DAPK2: variants seen among roughly 807,000 people sequenced by gnomAD.
DAPK2 encodes death-associated protein kinase 2.
A neutral mutation model predicts 44.1 loss-of-function variants in DAPK2; 35 were observed. The ratio of observed to expected loss-of-function variants is 0.79; its 90% CI spans 0.61 to 1.05. The LOEUF (loss-of-function observed/expected upper bound fraction) is 1.05, where lower values mean the gene tolerates loss of function less well. DAPK2 is among the 50% of genes least tolerant of loss of function. The probability of loss-of-function intolerance (pLI) is 0.00; values close to 1 mark genes in which losing one functional copy is unlikely to be tolerated. For synonymous variants in DAPK2, 174 were observed against 182.6 expected (o/e 0.95, Z 0.38); for missense variants, 453 against 483.2 (o/e 0.94, Z 0.59).
At chr15:63,929,568 G>A (rs779984693) in exon 6 of DAPK2, 12 of 1,613,998 alleles carry the variant, frequency 7.4e-6, no homozygotes, top group East Asian at 4.5e-5. Flanking sequence ...AGGTGATGAC[G>A]CCTATGCTCC....
chr15:63,924,601 T>A, intron 8 of DAPK2: 1 of 537,248 alleles, frequency 1.9e-6, no homozygotes, highest in Non-Finnish European at 3.3e-6. Flanking sequence ...ATAAGTTACC[T>A]GAATTTGAGA....
In DAPK2 at chr15:63,990,727, T is replaced by C. The variant is rs921048745; in HGVS notation, c.93-6973A>G. Among the ~76,000 whole-genome samples, 1 of 152,088 alleles carries C rather than the reference T, an allele frequency of 6.6e-6. No homozygotes were observed. Among genetic ancestry groups the C allele is most frequent in the Admixed American group, 6.5e-5 (1 of 15,278 alleles). ...TTCCACTCTGGAGAACAATGAGCCG[T>C]GATTCCTCTGGAATTACCCTGCGAG... On this transcript the variant is annotated intron_variant, in intron 1 of 10. Coordinates refer to ENST00000261891, the Ensembl canonical transcript of DAPK2. This position sits in a 1 kb window ranked among gnomAD's most constrained non-coding sequence, Gnocchi z 4.3.
At chr15:64,022,668 A>AGCCT (rs1455711315) in intron 1 of DAPK2, among the ~76,000 whole-genome samples, 3 of 152,132 alleles carry the variant, frequency 2.0e-5, no homozygotes, top group Admixed American at 1.3e-4. Context: ...AATAACAAAA[A>AGCCT]ATTAGCTGGG....
intron 1 of DAPK2, among the ~76,000 whole-genome samples, chr15:64,035,778 G>C (rs1331230333): frequency 6.6e-6 from 1 of 152,212 alleles, no homozygotes; most frequent in Admixed American, 6.5e-5. Context: ...AAACAGGCTG[G>C]TGCCAAAAGT....
intron 1 of DAPK2, among the ~76,000 whole-genome samples, chr15:64,029,616 C>T (rs114250038): frequency 2.2e-3 from 331 of 152,308 alleles, no homozygotes; most frequent in African/African-American, 7.6e-3. Flanking sequence ...TCCTGTGCCC[C>T]ATCTGAGCCT....
rs1192420901 is a variant in DAPK2 at position 63,960,330 on chromosome 15, T to A, written c.453+11093A>T. Among the ~76,000 whole-genome samples, 3 of 152,164 alleles carry A rather than the reference T, an allele frequency of 2.0e-5. No homozygotes were observed. In the South Asian group the frequency reaches 6.2e-4, roughly 32 times the overall value. On this transcript the variant is annotated intron_variant, in intron 3 of 10. Coordinates refer to ENST00000261891, the Ensembl canonical transcript of DAPK2. ...CTGGATTCATTGATTTTTTGAAGGG[T>A]TTTTTGTGTCTCTATCTCCTTCAGT...
At position 64,007,501 on chromosome 15, in the gene DAPK2, GC is replaced by G. The variant is rs1277059143; in HGVS notation, c.93-23748del. Among the ~76,000 whole-genome samples, 23 of 152,224 alleles carry G rather than the reference GC, an allele frequency of 1.5e-4. 1 individual carries two copies. The highest frequency in any genetic ancestry group is 9.8e-4 in the Admixed American group (15 of 15,284). ...ACCTCTCCTGCCTCCTGATCTCCCA[GC>G]CTCAGAGAAAGTCAATGCTGGGAAG... On this transcript the variant is annotated intron_variant, in intron 1 of 10. Coordinates refer to ENST00000261891, the Ensembl canonical transcript of DAPK2.
In DAPK2 at chr15:63,929,597, C is replaced by T. The variant is rs369080760; in HGVS notation, c.633-20G>A. The T allele has an allele frequency of 1.6e-4, 259 of 1,613,900 alleles. 1 individual carries two copies. The African/African-American group carries it at 3.1e-3, about 19-fold the overall frequency. ...ATGCTCCTGCAAAATAAAGAACAGT[C>T]AAGTCAGGGCCACCTGGGTCCCATC... On this transcript the variant is annotated intron_variant, in intron 5 of 10. Transcript: ENST00000261891.
intron 8 of DAPK2, chr15:63,919,369 C>T (rs957897671): frequency 6.6e-6 from 1 of 152,222 alleles, no homozygotes. Context: ...ATGGGTGACT[C>T]TCAGCACTGT....
At chr15:63,958,211 T>C (rs1440128450) in intron 3 of DAPK2, among the ~76,000 whole-genome samples, 1 of 152,202 alleles carries the variant, frequency 6.6e-6, no homozygotes, top group African/African-American at 2.4e-5. Flanking sequence ...TGTTTTTTTT[T>C]CTTGTAAATT....
intron 10 of DAPK2, among the ~76,000 whole-genome samples, chr15:63,910,349 T>C (rs2078755018): frequency 6.6e-6 from 1 of 152,208 alleles, no homozygotes; most frequent in Admixed American, 6.5e-5. Flanking sequence ...ATCATAAGGC[T>C]GCTCAGCCCT....
chr15:63,925,857 G>T, intron 7 of DAPK2, 84 bp downstream of exon 8: 1 of 1,548,602 alleles, frequency 6.5e-7, no homozygotes, highest in Non-Finnish European at 8.9e-7. Context: ...CTATGTCAAA[G>T]TGGGGACATA....
chr15:63,982,724 C>T (rs2078557218), intron 2 of DAPK2, among the ~76,000 whole-genome samples: 1 of 152,246 alleles, frequency 6.6e-6, no homozygotes, highest in African/African-American at 2.4e-5. Flanking sequence ...GCTGTCTGCA[C>T]AGGCCGTGTG....
In DAPK2 at chr15:64,020,544, C is replaced by T. The variant is rs745597868; in HGVS notation, c.92+19626G>A. ...TTAAGCACCAGCTATGGAAAGGTAT[C>T]GCTTGCTTCACCAAAGCAGCACTAC... On this transcript the variant is annotated intron_variant, in intron 1 of 10. Transcript: ENST00000261891. The surrounding 1 kb of genome is among the most constrained non-coding windows in gnomAD (Gnocchi z 4.5). 1.3e-5 allele frequency among the ~76,000 whole-genome samples: 2 copies of T among 152,186 alleles called. No homozygotes were observed. The highest frequency in any genetic ancestry group is 4.8e-5 in the African/African-American group (2 of 41,448).
At chr15:64,008,753 T>G (rs932005541) in intron 1 of DAPK2, among the ~76,000 whole-genome samples, 8 of 152,132 alleles carry the variant, frequency 5.3e-5, no homozygotes, top group African/African-American at 1.9e-4. Context: ...AATAGTTGAG[T>G]GAAACTTTTC....
intron 10 of DAPK2, chr15:63,910,915 G>C (rs927699867): frequency 3.9e-5 from 6 of 152,350 alleles, no homozygotes; most frequent in African/African-American, 1.4e-4. Context: ...TTACATGCCA[G>C]GCTTTAAGAA....
intron 8 of DAPK2, chr15:63,918,370 C>T (rs1434463591): frequency 6.6e-6 from 1 of 152,380 alleles, no homozygotes; most frequent in Non-Finnish European, 1.5e-5. Context: ...TTCTGACACA[C>T]AGTCAGGCAA....
intron 4 of DAPK2, among the ~76,000 whole-genome samples, chr15:63,933,800 C>T (rs1417525980): frequency 6.7e-6 from 1 of 150,290 alleles, no homozygotes; most frequent in Admixed American, 6.6e-5. Context: ...GGTCTCACTG[C>T]GTTGCCCAGG....
intron 3 of DAPK2, among the ~76,000 whole-genome samples, chr15:63,968,289 C>T (rs892596900): frequency 5.3e-5 from 8 of 152,202 alleles, no homozygotes; most frequent in African/African-American, 9.7e-5. Flanking sequence ...AAGGGACCCA[C>T]GGGTGGAAGA....
Sources: gnomAD v4.1 joint callset for allele counts (sites outside exome capture counted in the v4.1 genomes callset) on GRCh38, gnomAD v4.1.1 for gene constraint, Gnocchi (gnomAD v3.1) non-coding constraint, MANE v1.5 for transcripts, NCBI Gene and HGNC (gene_info 2026-07-23, HGNC 2026-07-21) for gene names.